ZNF804A: variants seen among roughly 807,000 people sequenced by gnomAD.
ZNF804A encodes the protein zinc finger protein 804A.
ZNF804A carries 2 observed loss-of-function variants against 16.5 expected under a neutral mutation model. The ratio of observed to expected loss-of-function variants is 0.12; its 90% CI spans 0.05 to 0.38. ZNF804A has a LOEUF of 0.38. Ranked by LOEUF, ZNF804A falls within the 10% of genes least tolerant of loss-of-function variation. ZNF804A has a pLI of 0.99. For synonymous variants in ZNF804A, 534 were observed against 489.6 expected (o/e 1.09, Z -1.20); for missense variants, 1,473 against 1,390.7 (o/e 1.06, Z -0.94).
chr2:184,800,280 C>T (rs1235867581), intron 1 of ZNF804A, among the ~76,000 whole-genome samples: 1 of 151,770 alleles, frequency 6.6e-6, no homozygotes, highest in African/African-American at 2.4e-5. Flanking sequence ...GTAAGTCTTG[C>T]TGAAATTCTC....
chr2:184,704,005 G>A (rs911665783), intron 1 of ZNF804A, among the ~76,000 whole-genome samples: 1 of 152,000 alleles, frequency 6.6e-6, no homozygotes, highest in Non-Finnish European at 1.5e-5. Context: ...GATGCGAAAA[G>A]TTCTCTAAGG....
intron 1 of ZNF804A, among the ~76,000 whole-genome samples, chr2:184,847,331 C>A (rs1332201473): frequency 6.6e-6 from 1 of 151,994 alleles, no homozygotes; most frequent in Non-Finnish European, 1.5e-5. Context: ...AAATTCTGTT[C>A]AGTATATCTG....
chr2:184,822,975 G>C (rs1408678123), intron 1 of ZNF804A, among the ~76,000 whole-genome samples: 1 of 152,044 alleles, frequency 6.6e-6, no homozygotes, highest in Non-Finnish European at 1.5e-5. Flanking sequence ...TGTTTCAGAA[G>C]AGCCAAATAA....
intron 1 of ZNF804A, among the ~76,000 whole-genome samples, chr2:184,801,361 A>G (rs924988895): frequency 6.6e-6 from 1 of 152,186 alleles, no homozygotes; most frequent in South Asian, 2.1e-4. Context: ...ATTCTTGGCC[A>G]TAATTACTTG....
chr2:184,866,381 A>G lies in ZNF804A; in HGVS notation c.124A>G (p.Lys42Glu), dbSNP rs1313638547. The G allele has an allele frequency of 6.2e-7, 1 of 1,613,222 alleles. No individual in the cohort carries two copies. The highest frequency in any genetic ancestry group is 1.7e-5 in the Admixed American group (1 of 59,962). Residue 42 changes from lysine (K) to glutamate (E), a missense_variant, in exon 2 of 4, where the codon AAG (lysine) becomes GAG (glutamate). Physicochemically the swap from Lys to Glu is moderately conservative, Grantham distance 56. Transcript: ENST00000302277. Reference sequence around the variant, plus strand: ...TTTTATTTTTCAGGACTATGCTGAGAAGGAAAATACCATAGCAAAAGCTCT... The same window carrying G: ...TTTTATTTTTCAGGACTATGCTGAGGAGGAAAATACCATAGCAAAAGCTCT... Reference protein sequence around the residue: ...NGNKTLDYAEKENTIAKALED... With the variant: ...NGNKTLDYAEEENTIAKALED...
At chr2:184,774,184 G>A (rs933611339) in intron 1 of ZNF804A, among the ~76,000 whole-genome samples, 1 of 151,658 alleles carries the variant, frequency 6.6e-6, no homozygotes, top group African/African-American at 2.4e-5. Flanking sequence ...TTATTCTATG[G>A]CTTTGTTGGT....
intron 1 of ZNF804A, among the ~76,000 whole-genome samples, chr2:184,703,104 C>T (rs1692953045): frequency 1.3e-5 from 2 of 152,232 alleles, no homozygotes; most frequent in South Asian, 4.1e-4. Flanking sequence ...GCTTCTACAA[C>T]ACAAAGGCTT....
chr2:184,777,242 C>A (rs955944755), intron 1 of ZNF804A, among the ~76,000 whole-genome samples: 1 of 151,518 alleles, frequency 6.6e-6, no homozygotes, highest in Admixed American at 6.6e-5. Context: ...CCAACTGGAC[C>A]CACCATTTTG....
chr2:184,674,216 T>C (rs962309318), intron 1 of ZNF804A, among the ~76,000 whole-genome samples: 4 of 152,034 alleles, frequency 2.6e-5, no homozygotes, highest in Non-Finnish European at 1.5e-5. Flanking sequence ...TATTAAATAT[T>C]ACATTGTAGA....
chr2:184,777,033 C>A (rs754185566), intron 1 of ZNF804A, among the ~76,000 whole-genome samples: 7 of 151,476 alleles, frequency 4.6e-5, no homozygotes, highest in Admixed American at 1.3e-4. Context: ...TAAAAGAGAG[C>A]AGAGAACTTC....
At chr2:184,880,271 G>C (rs1280134737) in intron 2 of ZNF804A, among the ~76,000 whole-genome samples, 1 of 152,022 alleles carries the variant, frequency 6.6e-6, no homozygotes, top group Admixed American at 6.6e-5. Flanking sequence ...AGTTATGCTG[G>C]AAAAGATATG....
chr2:184,723,200 A>G (rs911197526), intron 1 of ZNF804A, among the ~76,000 whole-genome samples: 5 of 151,842 alleles, frequency 3.3e-5, no homozygotes, highest in Admixed American at 3.3e-4. Context: ...ATTCTAAAAT[A>G]TATGCTTAAA....
intron 1 of ZNF804A, among the ~76,000 whole-genome samples, chr2:184,636,452 T>TGTGTGA (rs1232918891): frequency 7.9e-5 from 9 of 114,348 alleles, no homozygotes; most frequent in African/African-American, 2.7e-4. Context: ...TGTGTGTGTG[T>TGTGTGA]GAGAGAGAGA....
intron 1 of ZNF804A, among the ~76,000 whole-genome samples, chr2:184,858,423 G>C (rs1223884654): frequency 6.6e-6 from 1 of 150,844 alleles, no homozygotes; most frequent in Non-Finnish European, 1.5e-5. Flanking sequence ...AGAATCACTT[G>C]AACCTGGGAG....
intron 1 of ZNF804A, among the ~76,000 whole-genome samples, chr2:184,851,074 C>G (rs965478198): frequency 6.6e-6 from 1 of 151,612 alleles, no homozygotes; most frequent in Admixed American, 6.6e-5. Flanking sequence ...TAATTGGCAG[C>G]TTTTATGTAT....
chr2:184,860,498 G>T (rs2105808389), intron 1 of ZNF804A, among the ~76,000 whole-genome samples: 1 of 152,360 alleles, frequency 6.6e-6, no homozygotes. Context: ...AATGACTAGG[G>T]CTGCAGGGGC....
intron 2 of ZNF804A, among the ~76,000 whole-genome samples, chr2:184,898,405 C>CAAT (rs1685123434): frequency 1.3e-5 from 2 of 151,936 alleles, no homozygotes; most frequent in African/African-American, 4.8e-5. Flanking sequence ...GTAAAAATTA[C>CAAT]ATCACCTGCT....
intron 1 of ZNF804A, among the ~76,000 whole-genome samples, chr2:184,603,704 G>A (rs1691085353): frequency 6.6e-6 from 1 of 151,984 alleles, no homozygotes; most frequent in Non-Finnish European, 1.5e-5. Context: ...GGTGGATTAG[G>A]GTGATATCCT....
intron 1 of ZNF804A, among the ~76,000 whole-genome samples, chr2:184,655,486 A>G (rs933531587): frequency 1.3e-5 from 2 of 152,234 alleles, no homozygotes; most frequent in South Asian, 4.1e-4. Context: ...GCATTTGATC[A>G]ACGACCTAGG....
Sources: allele counts gnomAD v4.1 joint callset (sites outside exome capture counted in the v4.1 genomes callset), GRCh38; gene constraint gnomAD v4.1.1; transcripts MANE v1.5; gene names NCBI Gene and HGNC (gene_info 2026-07-23, HGNC 2026-07-21).